The following PDE1A variants were observed in gnomAD, a reference collection of about 807,000 sequenced individuals.
The protein encoded by PDE1A is dual specificity calcium/calmodulin-dependent 3',5'-cyclic nucleotide phosphodiesterase 1A.
A neutral mutation model predicts 61.7 loss-of-function variants in PDE1A; 35 were observed. The observed-to-expected ratio is 0.57, with a 90% CI of 0.43 to 0.75. PDE1A has a LOEUF of 0.75. PDE1A is among the 30% of genes least tolerant of loss of function. The pLI is 0.00. For missense variants in PDE1A, 597 were observed against 630.6 expected, an observed-to-expected ratio of 0.95 and a Z score of 0.57; for synonymous variants, 232 against 213.2, an observed-to-expected ratio of 1.09 and a Z score of -0.77.
At chr2:182,483,301 A>G (rs964156103) in intron 2 of PDE1A, among the ~76,000 whole-genome samples, 2 of 151,974 alleles carry the variant, frequency 1.3e-5, no homozygotes, top group African/African-American at 4.8e-5. Context: ...AGGGGTATAG[A>G]AGACTTGAAC....
intron 13 of PDE1A, among the ~76,000 whole-genome samples, chr2:182,182,535 A>G (rs559650549): frequency 6.6e-6 from 1 of 152,256 alleles, no homozygotes; most frequent in African/African-American, 2.4e-5. Context: ...CACATTTTCC[A>G]TTCTGTAGCA....
At chr2:182,574,322 G>A in the PDE1A span, among the ~76,000 whole-genome samples, 17 of 152,080 alleles carry the variant, frequency 1.1e-4, no homozygotes, top group Non-Finnish European at 2.2e-4. Flanking sequence ...CACACTCAGG[G>A]TCGATGCTTT....
At chr2:182,287,823 A>AT (rs1479132641) in intron 1 of PDE1A, among the ~76,000 whole-genome samples, 2 of 152,096 alleles carry the variant, frequency 1.3e-5, no homozygotes, top group Non-Finnish European at 2.9e-5. Context: ...TAGACAATAC[A>AT]TTTTTTCTCA....
At chr2:182,689,245 G>A in the PDE1A span, among the ~76,000 whole-genome samples, 6 of 152,126 alleles carry the variant, frequency 3.9e-5, no homozygotes, top group East Asian at 3.9e-4. Context: ...GGACCACACC[G>A]CACTTATTCC....
At chr2:182,489,892 A>T (rs185661728) in intron 2 of PDE1A, among the ~76,000 whole-genome samples, 1 of 152,336 alleles carries the variant, frequency 6.6e-6, no homozygotes. Context: ...GGAATATAGC[A>T]CCATGATGCT....
chr2:182,185,380 CTG>C (rs1482530981), intron 13 of PDE1A, among the ~76,000 whole-genome samples: 1 of 152,278 alleles, frequency 6.6e-6, no homozygotes, highest in East Asian at 1.9e-4. Context: ...TCAGAAATAA[CTG>C]TAGCTACCTT....
At chr2:182,645,562 A>G in the PDE1A span, among the ~76,000 whole-genome samples, 2 of 152,182 alleles carry the variant, frequency 1.3e-5, no homozygotes, top group South Asian at 4.1e-4. Context: ...ACTATTTGGA[A>G]TGTTAATGGA....
At chr2:182,317,010 C>T (rs1050708230) in intron 1 of PDE1A, among the ~76,000 whole-genome samples, 3 of 152,102 alleles carry the variant, frequency 2.0e-5, no homozygotes, top group Non-Finnish European at 4.4e-5. Flanking sequence ...GTTTAAAAGG[C>T]TTGTGTTTTG....
At chr2:182,702,539 C>CTA in the PDE1A span, among the ~76,000 whole-genome samples, 1 of 152,092 alleles carries the variant, frequency 6.6e-6, no homozygotes, top group African/African-American at 2.4e-5. Flanking sequence ...CACACAGAAG[C>CTA]TGGTATGTGA....
At chr2:182,277,450 G>T (rs1211020434) in intron 1 of PDE1A, among the ~76,000 whole-genome samples, 1 of 152,092 alleles carries the variant, frequency 6.6e-6, no homozygotes, top group Non-Finnish European at 1.5e-5. Flanking sequence ...ATTTTTAAAA[G>T]TAAAGATCAA....
intron 1 of PDE1A, among the ~76,000 whole-genome samples, chr2:182,277,445 T>C (rs1693503457): frequency 6.6e-6 from 1 of 152,094 alleles, no homozygotes; most frequent in Non-Finnish European, 1.5e-5. Context: ...TTTTGATTTT[T>C]AAAAGTAAAG....
At chr2:182,244,696 C>T (rs551404621) in intron 2 of PDE1A, among the ~76,000 whole-genome samples, 1 of 152,246 alleles carries the variant, frequency 6.6e-6, no homozygotes, top group South Asian at 2.1e-4. Flanking sequence ...CCTATCTTTT[C>T]CACCTTTGTT....
the PDE1A span, among the ~76,000 whole-genome samples, chr2:182,586,871 T>G: frequency 6.6e-6 from 1 of 152,212 alleles, no homozygotes; most frequent in Non-Finnish European, 1.5e-5. Context: ...ATACAGTGGT[T>G]GCCCTATCCT....
the PDE1A span, among the ~76,000 whole-genome samples, chr2:182,619,651 ATT>A: frequency 6.6e-6 from 1 of 152,186 alleles, no homozygotes; most frequent in East Asian, 1.9e-4. Flanking sequence ...ATAGGACAAG[ATT>A]TTTTTCTTTT....
chr2:182,493,293 AT>A (rs1251415801), intron 2 of PDE1A, among the ~76,000 whole-genome samples: 5 of 141,448 alleles, frequency 3.5e-5, no homozygotes, highest in African/African-American at 1.3e-4. Flanking sequence ...CTTTTTTTAT[AT>A]ATATATACTT....
intron 1 of PDE1A, among the ~76,000 whole-genome samples, chr2:182,332,787 G>A (rs1246511220): frequency 6.6e-6 from 1 of 152,054 alleles, no homozygotes; most frequent in Non-Finnish European, 1.5e-5. Flanking sequence ...GTTGACCCCT[G>A]CTGGGAGGTG....
chr2:182,698,071 A>G, the PDE1A span, among the ~76,000 whole-genome samples: 1 of 152,240 alleles, frequency 6.6e-6, no homozygotes, highest in African/African-American at 2.4e-5. Flanking sequence ...AGGCATCAGA[A>G]GAGCAGCATT....
the PDE1A span, among the ~76,000 whole-genome samples, chr2:182,560,266 G>A: frequency 3.2e-4 from 42 of 130,288 alleles, no homozygotes; most frequent in Admixed American, 6.8e-4. Flanking sequence ...TCCTGTGTCC[G>A]TGTGTTCTCA....
chr2:182,278,930 TA>T (rs1574234783), intron 1 of PDE1A, among the ~76,000 whole-genome samples: 2 of 152,026 alleles, frequency 1.3e-5, no homozygotes, highest in African/African-American at 4.8e-5. Flanking sequence ...AGCATTAATG[TA>T]AAAGCTTAAA....
Sources: gnomAD v4.1 joint callset for allele counts (sites outside exome capture counted in the v4.1 genomes callset) on GRCh38, gnomAD v4.1.1 for gene constraint, MANE v1.5 for transcripts, NCBI Gene and HGNC (gene_info 2026-07-23, HGNC 2026-07-21) for gene names.